The following FAP variants were observed in gnomAD, a reference collection of about 807,000 sequenced individuals.
FAP encodes the protein fibroblast activation protein alpha, also known as prolyl endopeptidase FAP.
A neutral mutation model predicts 126.5 loss-of-function variants in FAP; 110 were observed. That is an observed-to-expected ratio of 0.87 (90% CI 0.74 to 1.02). FAP has a LOEUF of 1.02. Ranked by LOEUF, FAP falls within the 50% of genes least tolerant of loss-of-function variation. The probability of loss-of-function intolerance (pLI) is 0.00; values close to 1 mark genes in which losing one functional copy is unlikely to be tolerated. For missense variants in FAP, 919 were observed against 909.2 expected, an observed-to-expected ratio of 1.01 and a Z score of -0.14; for synonymous variants, 334 against 297.3, an observed-to-expected ratio of 1.12 and a Z score of -1.27.
intron 2 of FAP, among the ~76,000 whole-genome samples, chr2:162,231,183 T>G (rs1487141559): frequency 6.6e-6 from 1 of 152,170 alleles, no homozygotes; most frequent in African/African-American, 2.4e-5. Flanking sequence ...AGCACTGGGG[T>G]CATTATTTTC....
At chr2:162,242,833 A>G in intron 2 of FAP, 75 bp downstream of exon 2, 1 of 1,101,554 alleles carries the variant, frequency 9.1e-7, no homozygotes, top group Non-Finnish European at 1.4e-6. Flanking sequence ...GAAATGTTCA[A>G]CCACTTGTGA....
chr2:162,177,600 T>G (rs1687528461), intron 21 of FAP, among the ~76,000 whole-genome samples: 1 of 152,206 alleles, frequency 6.6e-6, no homozygotes, highest in Non-Finnish European at 1.5e-5. Flanking sequence ...CAAATGAGCC[T>G]TCTTTGCCAT....
In FAP at chr2:162,219,312, C is replaced by T. The variant is rs145316733; in HGVS notation, c.487-129G>A. ...ACAAAAAAGATTCACAACTAAAATA[C>T]CATTTTAATAGGTCAAAAAATCCAA... On this transcript the variant is annotated intron_variant, in intron 7 of 25. Coordinates refer to ENST00000188790, the MANE Select transcript of FAP (RefSeq NM_004460.5). The T allele has an allele frequency of 8.9e-4, 745 of 838,658 alleles. 4 individuals are homozygous for T. In the African/African-American group the frequency reaches 0.012, roughly 14 times the overall value. 52.0% of individuals were successfully genotyped at this position (838,658 alleles called of 1,614,324 possible).
chr2:162,219,420 T>C (rs527623432), intron 7 of FAP, among the ~76,000 whole-genome samples: 17 of 152,172 alleles, frequency 1.1e-4, no homozygotes, highest in Non-Finnish European at 1.9e-4. Context: ...AGTTGTTTCA[T>C]TAACCCCAAA....
intron 15 of FAP, 70 bp from the exon 16 acceptor site, chr2:162,198,951 G>A: frequency 1.5e-6 from 2 of 1,350,056 alleles, no homozygotes; most frequent in Non-Finnish European, 2.1e-6. Flanking sequence ...ACTACTCCAT[G>A]TAAAGTGACT....
At position 162,226,627 on chromosome 2, in the gene FAP, G is replaced by A. The variant is rs193002336; in HGVS notation, c.92-6C>T. ...ATTTTCTTCAGAGTTATGAACTTTG[G>A]GGGAAGAGCAAATACATCCTTATTA... On this transcript the variant is annotated splice_region_variant and splice_polypyrimidine_tract_variant and intron_variant, in intron 2 of 25. Transcript: ENST00000188790. The A allele has an allele frequency of 2.0e-6, 3 of 1,486,884 alleles. No homozygotes were observed. Among genetic ancestry groups the A allele is most frequent in the Non-Finnish European group, 2.8e-6 (3 of 1,076,298 alleles). 92.1% of individuals were successfully genotyped at this position (1,486,884 alleles called of 1,614,324 possible). A position where few individuals can be genotyped will look rare whatever the true frequency, so the allele number is the denominator to read the frequency against.
chr2:162,226,201 G>A (rs2106287251), intron 3 of FAP, among the ~76,000 whole-genome samples: 1 of 152,008 alleles, frequency 6.6e-6, no homozygotes, highest in East Asian at 1.9e-4. Context: ...TTCTCTTTTG[G>A]TAAAATTTTT....
At chr2:162,224,360 A>T (rs1005571116) in intron 5 of FAP, 106 bp downstream of exon 5, 28 of 667,428 alleles carry the variant, frequency 4.2e-5, no homozygotes, top group African/African-American at 2.1e-4. Flanking sequence ...GAGGGCCTGA[A>T]TATTTAGAGA....
At chr2:162,173,552 A>G (rs1687386833) in intron 23 of FAP, among the ~76,000 whole-genome samples, 171 bp downstream of exon 23, 1 of 152,086 alleles carries the variant, frequency 6.6e-6, no homozygotes, top group African/African-American at 2.4e-5. Flanking sequence ...GAAAAGAAAG[A>G]ACAGAATCCA....
At chr2:162,180,850 A>C (rs1028561510) in intron 21 of FAP, among the ~76,000 whole-genome samples, 4 of 152,198 alleles carry the variant, frequency 2.6e-5, no homozygotes, top group Non-Finnish European at 5.9e-5. Context: ...GGAGCACAGA[A>C]GAGAGGTGTG....
intron 2 of FAP, among the ~76,000 whole-genome samples, chr2:162,241,663 A>G (rs1265750131): frequency 6.6e-6 from 1 of 152,154 alleles, no homozygotes; most frequent in Admixed American, 6.5e-5. Context: ...ACTACCTGAC[A>G]ATTGCTGGTA....
At chr2:162,183,292 C>A in intron 21 of FAP, 122 bp downstream of exon 21, 1 of 809,038 alleles carries the variant, frequency 1.2e-6, no homozygotes, top group Non-Finnish European at 2.1e-6. Flanking sequence ...CTGACTGTTT[C>A]CATTGACAGA....
chr2:162,215,843 C>A (rs1689139607), intron 10 of FAP, 55 bp downstream of exon 10: 2 of 1,262,778 alleles, frequency 1.6e-6, no homozygotes, highest in African/African-American at 2.9e-5. Context: ...GCATGCACAG[C>A]ATAAATGCAC....
chr2:162,224,368 A>C (rs1439030771), intron 5 of FAP, 98 bp downstream of exon 5: 1 of 687,694 alleles, frequency 1.5e-6, no homozygotes, highest in Admixed American at 3.1e-5. Flanking sequence ...GAATATTTAG[A>C]GATAAAGACA....
chr2:162,190,570 T>A (rs950584706), intron 17 of FAP, among the ~76,000 whole-genome samples: 20 of 152,134 alleles, frequency 1.3e-4, no homozygotes, highest in Non-Finnish European at 2.4e-4. Context: ...TGCAAATAGG[T>A]TTCTAGCAAT....
rs747187658 is a variant in FAP at position 162,173,783 on chromosome 2, A to G, written c.1974T>C (p.Ser658=). The G allele has an allele frequency of 3.8e-5, 61 of 1,593,818 alleles. 2 individuals carry two copies. Among genetic ancestry groups the G allele is most frequent in the Non-Finnish European group, 2.3e-5 (27 of 1,162,122 alleles). ...GACCCATGAATCTCTCTGTGTAGAC[A>G]GACGCTATAAAATATATGAGAATAT... ...APVSSWEYYA[S]VYTERFMGLP... Residue 658 remains serine, a synonymous_variant, in exon 23 of 26, where the codon TCT becomes TCC. Coordinates refer to ENST00000188790, the MANE Select transcript of FAP (RefSeq NM_004460.5).
At chr2:162,173,690 A>T in intron 23 of FAP, 33 bp downstream of exon 23, 1 of 1,374,554 alleles carries the variant, frequency 7.3e-7, no homozygotes, top group Non-Finnish European at 1.0e-6. Flanking sequence ...ATTAGAAATT[A>T]ATTATTAACC....
chr2:162,195,919 G>A (rs924996909), intron 16 of FAP, among the ~76,000 whole-genome samples: 5 of 152,106 alleles, frequency 3.3e-5, no homozygotes, highest in Non-Finnish European at 4.4e-5. Flanking sequence ...CATTAAAGTA[G>A]CATGCTTGGC....
chr2:162,223,542 A>G (rs951490741), intron 6 of FAP, 66 bp downstream of exon 6: 2 of 1,036,052 alleles, frequency 1.9e-6, no homozygotes, highest in East Asian at 2.4e-5. Flanking sequence ...ACCCCAAATC[A>G]TAGTTTGGAA....
Sources: gnomAD v4.1 joint callset for allele counts (sites outside exome capture counted in the v4.1 genomes callset) on GRCh38, gnomAD v4.1.1 for gene constraint, MANE v1.5 for transcripts, NCBI Gene and HGNC (gene_info 2026-07-23, HGNC 2026-07-21) for gene names.